Variants in INPP5F observed in about 807,000 individuals in gnomAD.
INPP5F encodes inositol polyphosphate-5-phosphatase F.
Under a neutral mutation model 137.2 loss-of-function variants are expected in INPP5F, and 97 were observed. The ratio of observed to expected loss-of-function variants is 0.71; its 90% CI spans 0.60 to 0.84. INPP5F has a LOEUF of 0.84. Among genes scored for constraint, INPP5F ranks in the 40% least tolerant of loss-of-function variants. INPP5F has a pLI of 0.00. For missense variants in INPP5F, 1,271 were observed against 1,371.9 expected (o/e 0.93, Z 1.16); for synonymous variants, 504 against 476.9 (o/e 1.06, Z -0.74).
chr10:119,809,005 C>A (rs566442511), intron 13 of INPP5F, among the ~76,000 whole-genome samples: 29 of 152,246 alleles, frequency 1.9e-4, no homozygotes, highest in African/African-American at 6.7e-4. Flanking sequence ...GGGTGGATCA[C>A]CTGAGGTCAG....
chr10:119,746,070 C>A (rs578190415), intron 1 of INPP5F, among the ~76,000 whole-genome samples: 5 of 152,114 alleles, frequency 3.3e-5, no homozygotes, highest in Non-Finnish European at 5.9e-5. Flanking sequence ...ATTATCAATT[C>A]ATATCTCCAG....
chr10:119,796,827 C>T lies in INPP5F; in HGVS notation c.782C>T (p.Thr261Ile). The T allele has an allele frequency of 1.9e-6, 3 of 1,612,134 alleles. No homozygotes were observed. Among genetic ancestry groups the T allele is most frequent in the Non-Finnish European group, 2.5e-6 (3 of 1,178,878 alleles). The change falls in exon 7 of 20, where the codon ACC (threonine) becomes ATC (isoleucine). Residue 261 changes from threonine to isoleucine, a missense_variant. By Grantham distance (89) the Thr-to-Ile change is moderately conservative. Transcript: ENST00000650623. ...SSDDEKSSPE[T>I]PPQESTCVDD... The stretch of plus-strand genomic sequence containing the variant: ...GATGATGAGAAAAGCAGCCCAGAGA[C>T]CCCCCCTCAGGAGTCCACCTGTGTA...
intron 1 of INPP5F, among the ~76,000 whole-genome samples, chr10:119,747,001 C>G (rs34040876): frequency 0.042 from 6,340 of 152,114 alleles, 239 homozygotes; most frequent in South Asian, 0.22. Flanking sequence ...GTTGGCCAGG[C>G]TGGTCTCGAA....
At chr10:119,765,897 AGAC>A (rs1190983015) in intron 2 of INPP5F, among the ~76,000 whole-genome samples, 1 of 143,404 alleles carries the variant, frequency 7.0e-6, no homozygotes. Flanking sequence ...AGAGAGAGAG[AGAC>A]GGAGATTTAA....
At chr10:119,824,734 A>G (rs1232497000) in intron 19 of INPP5F, among the ~76,000 whole-genome samples, 1 of 152,132 alleles carries the variant, frequency 6.6e-6, no homozygotes, top group Non-Finnish European at 1.5e-5. Flanking sequence ...TCTTTTCTAT[A>G]ATAATTATTC....
chr10:119,780,964 G>T (rs1849680747), intron 2 of INPP5F, among the ~76,000 whole-genome samples: 1 of 152,160 alleles, frequency 6.6e-6, no homozygotes, highest in African/African-American at 2.4e-5. Flanking sequence ...GATACCGAGG[G>T]ATGGCTGTAT....
At chr10:119,799,769 A>G (rs1220811359) in intron 9 of INPP5F, among the ~76,000 whole-genome samples, 1 of 152,214 alleles carries the variant, frequency 6.6e-6, no homozygotes, top group Non-Finnish European at 1.5e-5. Context: ...GAGATGGATT[A>G]TGAACCTAAA....
intron 3 of INPP5F, among the ~76,000 whole-genome samples, chr10:119,788,632 C>T (rs185370765): frequency 2.8e-4 from 43 of 152,312 alleles, no homozygotes; most frequent in African/African-American, 9.4e-4. Context: ...CTGTACCCTG[C>T]TGGCTCTCAG....
At chr10:119,806,271 C>G in intron 11 of INPP5F, 89 bp from the exon 12 acceptor site, 1 of 888,820 alleles carries the variant, frequency 1.1e-6, no homozygotes, top group Non-Finnish European at 1.7e-6. Flanking sequence ...GCCAGTGCTG[C>G]TGTTTTATTG....
chr10:119,767,599 C>A (rs1347733378), intron 2 of INPP5F, among the ~76,000 whole-genome samples: 1 of 152,136 alleles, frequency 6.6e-6, no homozygotes, highest in Non-Finnish European at 1.5e-5. Context: ...AATGAGTAGA[C>A]TTAATGCTTC....
In INPP5F at chr10:119,807,917, A is replaced by G. The variant is rs747654119; in HGVS notation, c.1441-15A>G. 1 of 1,602,908 alleles carries G rather than the reference A, an allele frequency of 6.2e-7. No homozygotes were observed. The highest frequency in any genetic ancestry group is 1.1e-5 in the South Asian group (1 of 88,814). ...TGGCCCATATACAGTTAATCCACCA[A>G]TGTGTTCATTTTAGCTGAAAAAATT... On this transcript the variant is annotated splice_polypyrimidine_tract_variant and intron_variant, in intron 12 of 19. Transcript: ENST00000650623.
rs1174739129 is a variant in INPP5F, at chr10:119,771,866, ATATATATATATATATATTTTTTTTTTTTT to A, written c.179-9767_179-9739del. On this transcript the variant is annotated intron_variant, in intron 2 of 19. Coordinates refer to ENST00000650623, the MANE Select transcript of INPP5F (RefSeq NM_014937.4). ...TGGAGATATATATATATATATATAT[ATATATATATATATATATTTTTTTTTTTTT>A]TTTTTTTTTTTTTTTTTTGAGATGG... is the stretch of plus-strand genomic sequence containing the variant. 3.7e-3 allele frequency among the ~76,000 whole-genome samples: 61 copies of A among 16,600 alleles called. 2 individuals are homozygous for A. In the South Asian group the frequency reaches 0.081, roughly 22 times the overall value. 10.9% of individuals were successfully genotyped at this position (16,600 alleles called of 152,430 possible). A position where few individuals can be genotyped will look rare whatever the true frequency, so the allele number is the denominator to read the frequency against.
chr10:119,812,064 C>T (rs767012137), intron 15 of INPP5F, 109 bp downstream of exon 15: 46 of 824,832 alleles, frequency 5.6e-5, no homozygotes, highest in Admixed American at 9.2e-5. Context: ...ATGCATGGCG[C>T]GTGACTATTT....
rs1201880755 is a variant in INPP5F, at chr10:119,748,093, C to T, written c.98-2983C>T. Among the ~76,000 whole-genome samples, 1 of 152,192 alleles carries T rather than the reference C, an allele frequency of 6.6e-6. No individual in the cohort carries two copies. The highest frequency in any genetic ancestry group is 1.5e-5 in the Non-Finnish European group (1 of 68,040). On this transcript the variant is annotated intron_variant, in intron 1 of 19. Coordinates refer to ENST00000650623, the MANE Select transcript of INPP5F (RefSeq NM_014937.4). This position sits in a 1 kb window ranked among gnomAD's most constrained non-coding sequence, Gnocchi z 4.7. ...GGATCCCATGCCTGCCAATGGCAAG[C>T]CAGGTGCGGAGTGGCGAGTGGTGTA... is the stretch of plus-strand genomic sequence containing the variant.
At chr10:119,735,377 T>C (rs1848189401) in intron 1 of INPP5F, among the ~76,000 whole-genome samples, 1 of 152,244 alleles carries the variant, frequency 6.6e-6, no homozygotes. Context: ...TTTATGAATC[T>C]CATTCTTTGA....
Position 119,826,829 on chromosome 10 carries a change from A to G in INPP5F, c.2448A>G (p.Leu816=). 6.2e-7 allele frequency: 1 copy of G among 1,613,586 alleles called. No individual in the cohort carries two copies. Among genetic ancestry groups the G allele is most frequent in the Non-Finnish European group, 8.5e-7 (1 of 1,179,836 alleles). The part of the protein sequence containing the change: ...FTKPEMKVNF[L]KPNLKVNLWK... The stretch of plus-strand genomic sequence containing the variant: ...AACCTGAAATGAAAGTTAACTTTCT[A>G]AAACCAAACTTAAAAGTAAATCTTT... Residue 816 remains leucine (L), a synonymous_variant, in exon 20 of 20, where the codon CTA becomes CTG. Transcript: ENST00000650623.
At chr10:119,745,472 T>C in intron 1 of INPP5F, among the ~76,000 whole-genome samples, 1 of 152,058 alleles carries the variant, frequency 6.6e-6, no homozygotes, top group Middle Eastern at 3.2e-3. Context: ...CAAATACTAT[T>C]TCATGAAACT....
chr10:119,803,833 C>T (rs1007148506), intron 9 of INPP5F, among the ~76,000 whole-genome samples: 2 of 149,864 alleles, frequency 1.3e-5, no homozygotes, highest in African/African-American at 4.8e-5. Flanking sequence ...TTTAGGCTTT[C>T]TTTATTTCTT....
At position 119,726,384 on chromosome 10, in the gene INPP5F, GGCACCCCGGGCCAGGGCGGGGA is replaced by G. The variant is rs1847889730; in HGVS notation, c.97+27_97+48del. The stretch of plus-strand genomic sequence containing the variant: ...GGTGAGGCTGGCGGTGCGGGCGGGG[GGCACCCCGGGCCAGGGCGGGGA>G]GAGGAGGGGGCGCGGCCGGACCCCT... On this transcript the variant is annotated intron_variant, in intron 1 of 19. Transcript: ENST00000650623. 3 of 1,267,616 alleles carry G rather than the reference GGCACCCCGGGCCAGGGCGGGGA, an allele frequency of 2.4e-6. No homozygotes were observed. In the South Asian group the frequency reaches 7.0e-5, roughly 30 times the overall value. 78.5% of individuals were successfully genotyped at this position (1,267,616 alleles called of 1,614,324 possible). A position where few individuals can be genotyped will look rare whatever the true frequency, so the allele number is the denominator to read the frequency against.
Sources: allele counts gnomAD v4.1 joint callset (sites outside exome capture counted in the v4.1 genomes callset), GRCh38; gene constraint gnomAD v4.1.1; non-coding constraint Gnocchi (gnomAD v3.1); transcripts MANE v1.5; gene names NCBI Gene and HGNC (gene_info 2026-07-23, HGNC 2026-07-21).